CADM2: variants seen among roughly 807,000 people sequenced by gnomAD.
CADM2 encodes the protein cell adhesion molecule 2, also known as immunoglobulin superfamily member 4D.
Under a neutral mutation model 49.8 loss-of-function variants are expected in CADM2, and 12 were observed. That is an observed-to-expected ratio of 0.24 (90% CI 0.15 to 0.39). The LOEUF (loss-of-function observed/expected upper bound fraction) is 0.39. Among genes scored for constraint, CADM2 ranks in the 10% least tolerant of loss-of-function variants. The pLI is 1.00. For synonymous variants in CADM2, 214 were observed against 175.4 expected, an observed-to-expected ratio of 1.22 and a Z score of -1.74; for missense variants, 378 against 492.3, an observed-to-expected ratio of 0.77 and a Z score of 2.20.
rs368308697 is a variant in CADM2 at position 86,045,679 on chromosome 3, A to T, written c.971-19926A>T. On this transcript the variant is annotated intron_variant, in intron 8 of 9. Coordinates refer to ENST00000383699, the MANE Select transcript of CADM2 (RefSeq NM_001167675.2). Reference sequence around the variant, plus strand: ...ATGTCTAAGTGAAATTCTTTTCTCCATGTTGTTTTTTAGCTCAAGACTTTT... The same window carrying T: ...ATGTCTAAGTGAAATTCTTTTCTCCTTGTTGTTTTTTAGCTCAAGACTTTT... 4.6e-5 allele frequency among the ~76,000 whole-genome samples: 7 copies of T among 152,134 alleles called. 1 individual carries two copies. The highest frequency in any genetic ancestry group is 1.7e-4 in the African/African-American group (7 of 41,516).
intron 1 of CADM2, among the ~76,000 whole-genome samples, chr3:85,227,618 G>T (rs533854303): frequency 1.3e-5 from 2 of 151,840 alleles, no homozygotes. Flanking sequence ...TTTAATTGGG[G>T]CATTTAGCCC....
At chr3:85,376,935 C>T (rs2033625914) in intron 1 of CADM2, among the ~76,000 whole-genome samples, 1 of 152,010 alleles carries the variant, frequency 6.6e-6, no homozygotes, top group Non-Finnish European at 1.5e-5. Context: ...TTAATATCTA[C>T]TGAAAATTCC....
chr3:86,014,115 T>C (rs1731901063), intron 8 of CADM2: 9 of 1,289,316 alleles, frequency 7.0e-6, no homozygotes, highest in Non-Finnish European at 9.6e-6. Context: ...CCATTTTCAG[T>C]GGACACGCAG....
intron 2 of CADM2, among the ~76,000 whole-genome samples, chr3:85,778,087 T>C (rs1400581517): frequency 6.6e-6 from 1 of 152,142 alleles, no homozygotes; most frequent in Admixed American, 6.6e-5. Flanking sequence ...GCTCCTGCCC[T>C]AAATAATGGT....
At chr3:85,537,199 A>G (rs1231481356) in intron 1 of CADM2, among the ~76,000 whole-genome samples, 4 of 152,110 alleles carry the variant, frequency 2.6e-5, no homozygotes, top group Admixed American at 2.6e-4. Flanking sequence ...GTTTTAACTT[A>G]AGCAGAATTA....
chr3:85,735,290 C>G (rs1021006749), intron 2 of CADM2, among the ~76,000 whole-genome samples: 1 of 151,998 alleles, frequency 6.6e-6, no homozygotes, highest in Non-Finnish European at 1.5e-5. Flanking sequence ...GGCGAGGAAG[C>G]AAGCCATGCC....
intron 1 of CADM2, among the ~76,000 whole-genome samples, chr3:85,637,640 T>TAAAG (rs1393921606): frequency 1.3e-5 from 1 of 74,588 alleles, no homozygotes; most frequent in African/African-American, 5.0e-5. Flanking sequence ...ATAAAATAAA[T>TAAAG]AAATAAATAA....
At chr3:85,575,934 A>T (rs1034718789) in intron 1 of CADM2, among the ~76,000 whole-genome samples, 2 of 152,212 alleles carry the variant, frequency 1.3e-5, no homozygotes, top group East Asian at 3.9e-4. Flanking sequence ...TAAGCGCTCA[A>T]GACTTCTCTA....
intron 1 of CADM2, among the ~76,000 whole-genome samples, chr3:85,190,916 T>G (rs2041192740): frequency 6.6e-6 from 1 of 152,170 alleles, no homozygotes; most frequent in Admixed American, 6.6e-5. Context: ...AAATCCCTAG[T>G]GTTCATTTAA....
intron 1 of CADM2, among the ~76,000 whole-genome samples, chr3:85,274,289 A>C (rs373953046): frequency 6.6e-5 from 10 of 151,468 alleles, no homozygotes; most frequent in African/African-American, 2.4e-4. Context: ...AAACGACAGC[A>C]TGTCTAAAGC....
intron 1 of CADM2, among the ~76,000 whole-genome samples, chr3:85,547,562 C>A (rs1463208): frequency 0.51 from 77,765 of 151,818 alleles, 22,976 homozygotes; most frequent in East Asian, 0.85. Context: ...TACCCCACTC[C>A]GTGTCTTATT....
intron 1 of CADM2, among the ~76,000 whole-genome samples, chr3:84,964,340 T>C (rs2030808426): frequency 6.6e-6 from 1 of 152,212 alleles, no homozygotes; most frequent in Non-Finnish European, 1.5e-5. Context: ...ACATGAATTT[T>C]CTCCTTAAGT....
intron 1 of CADM2, among the ~76,000 whole-genome samples, chr3:85,064,536 G>C (rs2036453568): frequency 6.6e-6 from 1 of 152,046 alleles, no homozygotes; most frequent in African/African-American, 2.4e-5. Context: ...TTGGTAAATA[G>C]ACCTACATAT....
At chr3:85,286,243 A>G (rs2043629776) in intron 1 of CADM2, among the ~76,000 whole-genome samples, 2 of 152,138 alleles carry the variant, frequency 1.3e-5, no homozygotes, top group East Asian at 1.9e-4. Context: ...GAGCATTTCT[A>G]ACTTCTCTCA....
chr3:85,257,221 T>G (rs528692059), intron 1 of CADM2, among the ~76,000 whole-genome samples: 1 of 152,268 alleles, frequency 6.6e-6, no homozygotes, highest in East Asian at 1.9e-4. Context: ...TTTTTATTTC[T>G]GACCCCAAGT....
chr3:85,564,189 C>G (rs1314804468), intron 1 of CADM2, among the ~76,000 whole-genome samples: 1 of 106,576 alleles, frequency 9.4e-6, no homozygotes, highest in African/African-American at 2.7e-5. Context: ...CTCTCTCTCT[C>G]TCTCTCTCTC....
chr3:85,891,652 A>C (rs1714451390), intron 5 of CADM2, among the ~76,000 whole-genome samples: 1 of 152,200 alleles, frequency 6.6e-6, no homozygotes, highest in Non-Finnish European at 1.5e-5. Context: ...AGAAGAAAAC[A>C]AATAGCTATG....
chr3:85,294,549 G>T (rs1175475058), intron 1 of CADM2, among the ~76,000 whole-genome samples: 1 of 151,942 alleles, frequency 6.6e-6, no homozygotes, highest in Non-Finnish European at 1.5e-5. Flanking sequence ...ATACTACAAG[G>T]CTACAGTACC....
At chr3:86,056,547 T>C (rs1738014256) in intron 8 of CADM2, among the ~76,000 whole-genome samples, 1 of 152,162 alleles carries the variant, frequency 6.6e-6, no homozygotes, top group East Asian at 1.9e-4. Flanking sequence ...TGTCTGTAAA[T>C]AATGAAGAAA....
Sources: gnomAD v4.1 joint callset for allele counts (sites outside exome capture counted in the v4.1 genomes callset) on GRCh38, gnomAD v4.1.1 for gene constraint, MANE v1.5 for transcripts, NCBI Gene and HGNC (gene_info 2026-07-23, HGNC 2026-07-21) for gene names.